The following MARCHF11 variants were observed in gnomAD, a reference collection of about 807,000 sequenced individuals.
MARCHF11 encodes the protein E3 ubiquitin-protein ligase MARCHF11.
In MARCHF11, 29 loss-of-function variants were observed where a neutral mutation model predicts 37.3. The observed-to-expected ratio is 0.78, with a 90% CI of 0.58 to 1.06. MARCHF11 has a LOEUF of 1.06. MARCHF11 is among the 50% of genes least tolerant of loss of function. The pLI, the probability that MARCHF11 is intolerant of heterozygous loss-of-function variation, is 0.00. For synonymous variants in MARCHF11, 233 were observed against 228.0 expected (o/e 1.02, Z -0.20); for missense variants, 482 against 533.4 (o/e 0.90, Z 0.95).
At chr5:16,155,256 A>G (rs1737961282) in intron 2 of MARCHF11, among the ~76,000 whole-genome samples, 1 of 151,870 alleles carries the variant, frequency 6.6e-6, no homozygotes, top group African/African-American at 2.4e-5. Flanking sequence ...ACACAGAAAC[A>G]TATGTATATA....
chr5:16,112,000 T>C (rs1737148219), intron 2 of MARCHF11, among the ~76,000 whole-genome samples: 1 of 152,194 alleles, frequency 6.6e-6, no homozygotes, highest in African/African-American at 2.4e-5. Context: ...AAATCAAGAA[T>C]TGAGGTTTGG....
At chr5:16,073,292 C>T (rs1189947450) in intron 3 of MARCHF11, among the ~76,000 whole-genome samples, 1 of 152,172 alleles carries the variant, frequency 6.6e-6, no homozygotes, top group Non-Finnish European at 1.5e-5. Context: ...TGGCCCAAGA[C>T]ATCCTTTGTT....
In MARCHF11 at chr5:16,091,078, G is replaced by A; in HGVS notation, c.697C>T (p.Gln233Ter). ...AIKMKQPCQW[Q>*]SISITLVEKV... is the part of the protein sequence containing the mutation. ...TCAACCAGTGTTATAGAAATGCTCT[G>A]CCACTAAAAGAAAAACAGAGGCATG... is the stretch of plus-strand genomic sequence containing the variant. Residue 233 changes from glutamine (Q) to a stop codon, truncating the protein, a stop_gained, in exon 3 of 4, where the codon CAG becomes TAG. Coordinates refer to ENST00000332432, the MANE Select transcript of MARCHF11 (RefSeq NM_001102562.3). LOFTEE classifies it high-confidence loss of function. 1.3e-6 allele frequency: 2 copies of A among 1,573,908 alleles called. No homozygotes were observed. The highest frequency in any genetic ancestry group is 1.7e-6 in the Non-Finnish European group (2 of 1,159,576).
At chr5:16,153,172 G>A (rs541967575) in intron 2 of MARCHF11, among the ~76,000 whole-genome samples, 3 of 152,108 alleles carry the variant, frequency 2.0e-5, no homozygotes, top group Non-Finnish European at 2.9e-5. Context: ...GTAATGTGAC[G>A]TGATCAGAAA....
At chr5:16,175,362 A>G (rs1365827911) in intron 2 of MARCHF11, among the ~76,000 whole-genome samples, 1 of 152,234 alleles carries the variant, frequency 6.6e-6, no homozygotes, top group African/African-American at 2.4e-5. Context: ...CCTGCTTGCT[A>G]CAGCCTTTTC....
In MARCHF11 at chr5:16,140,758, T is replaced by C. The variant is rs532966061; in HGVS notation, c.693+36968A>G. ...ACACTGTTCAACATTTTAAAATATG[T>C]CCATATAATTATTCATATTAGTAAG... On this transcript the variant is annotated intron_variant, in intron 2 of 3. Coordinates refer to ENST00000332432, the MANE Select transcript of MARCHF11 (RefSeq NM_001102562.3). 5.9e-5 allele frequency among the ~76,000 whole-genome samples: 9 copies of C among 152,290 alleles called. No individual in the cohort carries two copies. The East Asian group carries it at 1.5e-3, about 26-fold the overall frequency.
rs1322727501 is a variant in MARCHF11, at chr5:16,067,306, T to C, written c.*165A>G. ...ACCAGACAACGAAGAACAAGAGGAC[T>C]CTTTTTCTCAGAAAAATGTATTTGC... On this transcript the variant is annotated 3_prime_UTR_variant, in exon 4 of 4. Transcript: ENST00000332432. The C allele has an allele frequency of 1.6e-6, 1 of 615,042 alleles. No homozygotes were observed. The highest frequency in any genetic ancestry group is 2.7e-6 in the Non-Finnish European group (1 of 368,944). The allele number at this position is 615,042 out of a possible 1,614,324, so 38.1% of individuals were successfully genotyped here.
intron 2 of MARCHF11, among the ~76,000 whole-genome samples, chr5:16,091,432 G>A (rs1736789878): frequency 6.6e-6 from 1 of 152,136 alleles, no homozygotes; most frequent in South Asian, 2.1e-4. Context: ...AACATACATG[G>A]TGAGAACTTC....
chr5:16,178,988 GGCGCGAGC>G (rs1738413181), intron 1 of MARCHF11, 43 bp downstream of exon 1: 2 of 1,366,352 alleles, frequency 1.5e-6, no homozygotes, highest in East Asian at 6.2e-5. Context: ...AAGCTTGACC[GGCGCGAGC>G]TGGAGCCGCC....
intron 2 of MARCHF11, among the ~76,000 whole-genome samples, chr5:16,101,151 T>C (rs956663848): frequency 6.6e-6 from 1 of 152,240 alleles, no homozygotes; most frequent in Non-Finnish European, 1.5e-5. Context: ...TCTCTCCATG[T>C]TATCTCCTAT....
chr5:16,154,186 A>T (rs1737931417), intron 2 of MARCHF11, among the ~76,000 whole-genome samples: 1 of 151,948 alleles, frequency 6.6e-6, no homozygotes, highest in Non-Finnish European at 1.5e-5. Context: ...TGGGAGAGTG[A>T]TGCCAGGGGT....
intron 2 of MARCHF11, among the ~76,000 whole-genome samples, chr5:16,127,743 A>G (rs1047530501): frequency 5.3e-5 from 8 of 152,170 alleles, no homozygotes; most frequent in Non-Finnish European, 1.2e-4. Flanking sequence ...AGGAGAGAAG[A>G]GGGGAGAAGA....
At position 16,067,652 on chromosome 5, in the gene MARCHF11, G is replaced by A. The variant is rs1279947039; in HGVS notation, c.1028C>T (p.Thr343Ile). Residue 343 changes from threonine to isoleucine, a missense_variant, in exon 4 of 4, where the codon ACT (threonine) becomes ATT (isoleucine). Thr to Ile is a moderately conservative substitution (Grantham distance 89, BLOSUM62 -1). Transcript: ENST00000332432. ...CAGAGCTGTCAATGGCAACCACAAA[G>A]TCCTACTTGTGGAAGACTCTCCCCG... Reference protein sequence around the residue: ...SSRGESSTSRTLWLPLTALRN... With the variant: ...SSRGESSTSRILWLPLTALRN... 1 of 1,613,972 alleles carries A rather than the reference G, an allele frequency of 6.2e-7. No individual in the cohort carries two copies.
intron 2 of MARCHF11, among the ~76,000 whole-genome samples, chr5:16,163,080 A>T (rs1458883007): frequency 6.6e-6 from 1 of 152,058 alleles, no homozygotes; most frequent in Non-Finnish European, 1.5e-5. Context: ...GATGTGTAAC[A>T]AATGTTTAAC....
intron 2 of MARCHF11, among the ~76,000 whole-genome samples, chr5:16,108,434 T>A (rs1737082091): frequency 6.6e-6 from 1 of 152,206 alleles, no homozygotes; most frequent in Non-Finnish European, 1.5e-5. Flanking sequence ...TAAGCTTATA[T>A]CTGGACATTT....
At chr5:16,080,014 G>A (rs1560968433) in intron 3 of MARCHF11, among the ~76,000 whole-genome samples, 1 of 152,006 alleles carries the variant, frequency 6.6e-6, no homozygotes, top group Non-Finnish European at 1.5e-5. Context: ...ATCCACCCAC[G>A]CCTAACACTA....
chr5:16,158,282 A>C (rs76960284), intron 2 of MARCHF11, among the ~76,000 whole-genome samples: 4,481 of 152,036 alleles, frequency 0.029, 235 homozygotes, highest in African/African-American at 0.1. Context: ...CCCAAAAATT[A>C]AAAATAGAAC....
intron 2 of MARCHF11, among the ~76,000 whole-genome samples, chr5:16,134,905 T>A (rs1478107977): frequency 6.6e-6 from 1 of 152,106 alleles, no homozygotes; most frequent in Non-Finnish European, 1.5e-5. Context: ...TATGTGTGCA[T>A]GTATATTTAA....
chr5:16,173,912 G>T lies in MARCHF11; in HGVS notation c.693+3814C>A, dbSNP rs1738313320. Among the ~76,000 whole-genome samples the T allele has an allele frequency of 3.9e-5, 6 of 152,278 alleles. No individual in the cohort carries two copies. The South Asian group carries it at 1.0e-3, about 26-fold the overall frequency. Reference sequence around the variant, plus strand: ...TCTCCTTTTTGAAGATGAGTCAATGGAGATGCAAAGAGTTTAAGTAGCTTG... The same window carrying T: ...TCTCCTTTTTGAAGATGAGTCAATGTAGATGCAAAGAGTTTAAGTAGCTTG... On this transcript the variant is annotated intron_variant, in intron 2 of 3. Transcript: ENST00000332432.
Sources: gnomAD v4.1 joint callset for allele counts (sites outside exome capture counted in the v4.1 genomes callset) on GRCh38, gnomAD v4.1.1 for gene constraint, MANE v1.5 for transcripts, NCBI Gene and HGNC (gene_info 2026-07-23, HGNC 2026-07-21) for gene names.